The following XRCC4 variants were observed in gnomAD, a reference collection of about 807,000 sequenced individuals.
XRCC4 encodes X-ray repair cross complementing 4.
Under a neutral mutation model 39.1 loss-of-function variants are expected in XRCC4, and 28 were observed. The observed-to-expected ratio is 0.72, with a 90% confidence interval of 0.53 to 0.98. The LOEUF is 0.98. Ranked by LOEUF, XRCC4 falls within the 50% of genes least tolerant of loss-of-function variation. The pLI, the probability that XRCC4 is intolerant of heterozygous loss-of-function variation, is 0.00. For missense variants in XRCC4, 350 were observed against 376.4 expected (o/e 0.93, Z 0.58); for synonymous variants, 123 against 126.4 (o/e 0.97, Z 0.18).
chr5:83,113,240 C>CTA (rs1243216443), intron 3 of XRCC4, among the ~76,000 whole-genome samples: 2 of 152,170 alleles, frequency 1.3e-5, no homozygotes, highest in African/African-American at 4.8e-5. Flanking sequence ...AGTCATGAAA[C>CTA]CTTAAAGTTC....
At chr5:83,155,514 A>G (rs969278016) in intron 3 of XRCC4, among the ~76,000 whole-genome samples, 10 of 152,152 alleles carry the variant, frequency 6.6e-5, no homozygotes, top group Admixed American at 2.0e-4. Context: ...AAATAAATGT[A>G]TATTGATTGA....
At chr5:83,135,243 A>G (rs550549487) in intron 3 of XRCC4, among the ~76,000 whole-genome samples, 27 of 152,222 alleles carry the variant, frequency 1.8e-4, no homozygotes, top group African/African-American at 5.3e-4. Flanking sequence ...CACAAGTCCC[A>G]GTGAGATGTA....
In XRCC4 at chr5:83,104,893, G is replaced by A. The variant is rs749778583; in HGVS notation, c.-10-17G>A. On this transcript the variant is annotated splice_polypyrimidine_tract_variant and intron_variant, in intron 1 of 7. Transcript: ENST00000396027. ...ACAGTTTCTTTTAAAAATATTAATT[G>A]TATTCTCCCATTACAGGTATTAAGA... 4 of 1,606,380 alleles carry A rather than the reference G, an allele frequency of 2.5e-6. No homozygotes were observed. The highest frequency in any genetic ancestry group is 2.2e-5 in the East Asian group (1 of 44,654).
intron 1 of XRCC4, among the ~76,000 whole-genome samples, chr5:83,101,830 C>T (rs1291306702): frequency 5.3e-5 from 8 of 152,034 alleles, no homozygotes; most frequent in Admixed American, 2.6e-4. Context: ...CACTATTCAA[C>T]GTAACCTTAA....
At chr5:83,248,955 G>A (rs1014772683) in intron 6 of XRCC4, among the ~76,000 whole-genome samples, 1 of 152,074 alleles carries the variant, frequency 6.6e-6, no homozygotes, top group African/African-American at 2.4e-5. Context: ...TCTAATTTGG[G>A]CAATACTTTT....
intron 6 of XRCC4, among the ~76,000 whole-genome samples, chr5:83,217,989 T>C (rs1482863151): frequency 1.3e-5 from 2 of 151,866 alleles, no homozygotes; most frequent in Non-Finnish European, 2.9e-5. Context: ...GCAAAATATA[T>C]ATGAGAAAAA....
At chr5:83,184,129 A>G (rs1750328080) in intron 3 of XRCC4, among the ~76,000 whole-genome samples, 1 of 151,866 alleles carries the variant, frequency 6.6e-6, no homozygotes, top group Admixed American at 6.5e-5. Context: ...GTTTAGAAAG[A>G]CAATTAAGGT....
intron 7 of XRCC4, among the ~76,000 whole-genome samples, chr5:83,335,581 T>C (rs951240515): frequency 6.6e-6 from 1 of 152,026 alleles, no homozygotes; most frequent in Non-Finnish European, 1.5e-5. Flanking sequence ...AATTGTTTAA[T>C]ATATTTTTGA....
At chr5:83,367,388 C>A in the XRCC4 span, among the ~76,000 whole-genome samples, 1 of 152,150 alleles carries the variant, frequency 6.6e-6, no homozygotes, top group Non-Finnish European at 1.5e-5. Flanking sequence ...CAAAATAAAA[C>A]CTTAGCCTTC....
intron 3 of XRCC4, among the ~76,000 whole-genome samples, chr5:83,162,368 T>G (rs1749257162): frequency 6.6e-6 from 1 of 152,148 alleles, no homozygotes; most frequent in Non-Finnish European, 1.5e-5. Context: ...TAAACTTCAG[T>G]GAGTTATTCA....
At chr5:83,261,495 A>G (rs558433255) in intron 7 of XRCC4, among the ~76,000 whole-genome samples, 3 of 151,952 alleles carry the variant, frequency 2.0e-5, no homozygotes, top group South Asian at 4.1e-4. Flanking sequence ...GTCCCTTCCA[A>G]CATTCCCACC....
the XRCC4 span, among the ~76,000 whole-genome samples, chr5:83,359,731 T>C: frequency 1.3e-5 from 2 of 152,156 alleles, no homozygotes. Flanking sequence ...TCCATTAGCT[T>C]CAATTAACAA....
intron 1 of XRCC4, among the ~76,000 whole-genome samples, chr5:83,086,342 C>T (rs1745179643): frequency 6.6e-6 from 1 of 152,042 alleles, no homozygotes; most frequent in Non-Finnish European, 1.5e-5. Flanking sequence ...TTATTGTTGA[C>T]CAGAAGCCTC....
chr5:83,096,721 T>C (rs1466863803), intron 1 of XRCC4, among the ~76,000 whole-genome samples: 1 of 152,200 alleles, frequency 6.6e-6, no homozygotes, highest in Non-Finnish European at 1.5e-5. Context: ...TGAAAAACAA[T>C]ATGAGCCAAC....
chr5:83,284,057 A>G (rs1216112992), intron 7 of XRCC4, among the ~76,000 whole-genome samples: 2 of 147,748 alleles, frequency 1.4e-5, no homozygotes, highest in Non-Finnish European at 3.0e-5. Flanking sequence ...CAGAGCAAAA[A>G]AAAAAAAAAA....
the XRCC4 span, among the ~76,000 whole-genome samples, chr5:83,366,638 A>T: frequency 6.6e-6 from 1 of 152,126 alleles, no homozygotes; most frequent in Non-Finnish European, 1.5e-5. Flanking sequence ...TCTGAGAATA[A>T]TCCTCTACCA....
intron 3 of XRCC4, among the ~76,000 whole-genome samples, chr5:83,148,730 C>T (rs965442814): frequency 1.3e-5 from 2 of 151,934 alleles, no homozygotes; most frequent in East Asian, 3.9e-4. Context: ...TTAGGTGCTT[C>T]CCTTGAGTTT....
Position 83,241,093 on chromosome 5 carries a change from A to G in XRCC4, c.746-17437A>G, listed in dbSNP as rs28360204. ...TCTACTAAAAATACAAAAATTGGCA[A>G]GGCGTGGTGGCACACACCTGTAATG... is the stretch of plus-strand genomic sequence containing the variant. On this transcript the variant is annotated intron_variant, in intron 6 of 7. Coordinates refer to ENST00000396027, the MANE Select transcript of XRCC4 (RefSeq NM_003401.5). Among the ~76,000 whole-genome samples, 899 of 152,154 alleles carry G rather than the reference A, an allele frequency of 5.9e-3. 10 individuals carry two copies. Among genetic ancestry groups the G allele is most frequent in the African/African-American group, 0.021 (863 of 41,520 alleles).
At chr5:83,118,300 T>C (rs1048164772) in intron 3 of XRCC4, among the ~76,000 whole-genome samples, 7 of 145,270 alleles carry the variant, frequency 4.8e-5, no homozygotes, top group Non-Finnish European at 9.1e-5. Flanking sequence ...TTCCCTTGGC[T>C]TTTTTTTTTT....
Sources: allele counts gnomAD v4.1 joint callset (sites outside exome capture counted in the v4.1 genomes callset), GRCh38; gene constraint gnomAD v4.1.1; transcripts MANE v1.5; gene names NCBI Gene and HGNC (gene_info 2026-07-23, HGNC 2026-07-21).